The following TSPAN33 variants were observed in gnomAD, a reference collection of about 807,000 sequenced individuals.
TSPAN33 encodes tetraspanin-33.
In TSPAN33, 27 loss-of-function variants were observed where a neutral mutation model predicts 34.8. The ratio of observed to expected loss-of-function variants is 0.78; its 90% CI spans 0.57 to 1.07. TSPAN33 has a LOEUF of 1.07. Ranked by LOEUF, TSPAN33 falls within the 50% of genes least tolerant of loss-of-function variation. The probability of loss-of-function intolerance (pLI) is 0.00; values close to 1 mark genes in which losing one functional copy is unlikely to be tolerated. For synonymous variants in TSPAN33, 119 were observed against 124.2 expected, an observed-to-expected ratio of 0.96 and a Z score of 0.28; for missense variants, 272 against 324.9, an observed-to-expected ratio of 0.84 and a Z score of 1.25.
intron 1 of TSPAN33, among the ~76,000 whole-genome samples, chr7:129,154,584 A>C (rs1810642692): frequency 6.6e-6 from 1 of 152,132 alleles, no homozygotes; most frequent in South Asian, 2.1e-4. Context: ...TCTACTAAAA[A>C]TACAAAATTA....
chr7:129,163,136 G>A (rs1307422321), intron 4 of TSPAN33, among the ~76,000 whole-genome samples: 3 of 152,328 alleles, frequency 2.0e-5, no homozygotes, highest in East Asian at 1.9e-4. Flanking sequence ...TAACAGGGAA[G>A]TAAATTATAC....
Position 129,164,745 on chromosome 7 carries a change from C to T in TSPAN33, c.459+176C>T, listed in dbSNP as rs1476022413. On this transcript the variant is annotated intron_variant, in intron 5 of 7. Transcript: ENST00000486685. ...TGCTTTAAATGTACTTTTAAAGACACAGAACAGTATATATAGTAATCTACT... is the reference window on the plus strand; with the variant it reads ...TGCTTTAAATGTACTTTTAAAGACATAGAACAGTATATATAGTAATCTACT... 3 of 594,064 alleles carry T rather than the reference C, an allele frequency of 5.0e-6. No homozygotes were observed. The African/African-American group carries it at 5.6e-5, about 11-fold the overall frequency. 36.8% of individuals were successfully genotyped at this position (594,064 alleles called of 1,614,324 possible). A position where few individuals can be genotyped will look rare whatever the true frequency, so the allele number is the denominator to read the frequency against.
intron 1 of TSPAN33, among the ~76,000 whole-genome samples, chr7:129,158,539 C>G (rs911344740): frequency 3.1e-4 from 47 of 152,254 alleles, no homozygotes; most frequent in African/African-American, 1.1e-3. Flanking sequence ...CCTCTCCTTC[C>G]TCCTACCCTT....
intron 1 of TSPAN33, among the ~76,000 whole-genome samples, chr7:129,156,245 A>G (rs1293795122): frequency 6.6e-6 from 1 of 152,200 alleles, no homozygotes; most frequent in Non-Finnish European, 1.5e-5. Flanking sequence ...GTCAAGTGCC[A>G]TTTTCATCAC....
At position 129,161,755 on chromosome 7, in the gene TSPAN33, TC is replaced by T. The variant is rs763853873; in HGVS notation, c.160+22del. The T allele has an allele frequency of 1.2e-6, 2 of 1,613,994 alleles. No homozygotes were observed. The highest frequency in any genetic ancestry group is 1.7e-6 in the Non-Finnish European group (2 of 1,179,946). On this transcript the variant is annotated intron_variant, in intron 2 of 7. Transcript: ENST00000486685. ...CATGCAGGTGAGCTGTAGCTCTCCC[TC>T]CCTGCCCCCACCTTGTGCCATGCCC...
chr7:129,150,417 A>G (rs2150621166), intron 1 of TSPAN33, among the ~76,000 whole-genome samples: 1 of 152,202 alleles, frequency 6.6e-6, no homozygotes, highest in Non-Finnish European at 1.5e-5. Context: ...CTGCTCCCCC[A>G]AGGGAACCAC....
chr7:129,147,027 A>G (rs1810530868), intron 1 of TSPAN33, among the ~76,000 whole-genome samples: 1 of 150,386 alleles, frequency 6.6e-6, no homozygotes, highest in African/African-American at 2.5e-5. Flanking sequence ...CTCAGCCAGG[A>G]GAGAGTTTGG....
At chr7:129,146,336 G>A (rs901759740) in intron 1 of TSPAN33, among the ~76,000 whole-genome samples, 4 of 152,036 alleles carry the variant, frequency 2.6e-5, no homozygotes, top group African/African-American at 9.7e-5. Flanking sequence ...CTACTCCTGG[G>A]GAAAATGAAA....
intron 1 of TSPAN33, among the ~76,000 whole-genome samples, chr7:129,154,805 C>T (rs138917929): frequency 3.1e-3 from 468 of 152,190 alleles, no homozygotes; most frequent in Middle Eastern, 0.02. Context: ...GACTATTTTT[C>T]AAGAACAATT....
chr7:129,156,383 C>T (rs1810665041), intron 1 of TSPAN33, among the ~76,000 whole-genome samples: 1 of 152,198 alleles, frequency 6.6e-6, no homozygotes. Context: ...TCCCCATGTT[C>T]CACACTGTGC....
At chr7:129,166,953 C>A in intron 6 of TSPAN33, 47 bp downstream of exon 6, 1 of 1,595,600 alleles carries the variant, frequency 6.3e-7, no homozygotes, top group South Asian at 1.1e-5. Context: ...CGAGCTGAGT[C>A]ACTTTCTGAT....
chr7:129,147,569 A>C (rs529337668), intron 1 of TSPAN33, among the ~76,000 whole-genome samples: 1 of 152,256 alleles, frequency 6.6e-6, no homozygotes, highest in East Asian at 1.9e-4. Context: ...ACTGGTTCCC[A>C]TGCTTTCTTT....
rs1793181438 is a variant in TSPAN33 at position 129,168,699 on chromosome 7, G to C, written c.*825G>C. ...GCAGGGTTTTCTTTAACTTGGCAGT[G>C]TGCAGAGGAGAAGTGGTAACACCCC... On this transcript the variant is annotated 3_prime_UTR_variant, in exon 8 of 8. Coordinates refer to ENST00000486685, the MANE Select transcript of TSPAN33 (RefSeq NM_178562.5). 6.5e-6 allele frequency: 1 copy of C among 152,980 alleles called. No homozygotes were observed. The highest frequency in any genetic ancestry group is 1.5e-5 in the Non-Finnish European group (1 of 68,342). 9.5% of individuals were successfully genotyped at this position (152,980 alleles called of 1,614,324 possible).
intron 1 of TSPAN33, among the ~76,000 whole-genome samples, chr7:129,150,021 C>A (rs1014770755): frequency 6.6e-5 from 10 of 152,252 alleles, no homozygotes. Context: ...GTGGAGACCA[C>A]TGCCTTGCCC....
At chr7:129,149,245 C>T (rs1461278569) in intron 1 of TSPAN33, among the ~76,000 whole-genome samples, 3 of 152,162 alleles carry the variant, frequency 2.0e-5, no homozygotes, top group Non-Finnish European at 4.4e-5. Flanking sequence ...AAACCATAAA[C>T]GTCAAGCAGC....
intron 3 of TSPAN33, 34 bp from the exon 4 acceptor site, chr7:129,162,799 G>A (rs1463711248): frequency 6.2e-7 from 1 of 1,611,132 alleles, no homozygotes. Flanking sequence ...GCCATGAGTG[G>A]TCCTAGACGC....
intron 1 of TSPAN33, among the ~76,000 whole-genome samples, chr7:129,157,803 A>G (rs1354232967): frequency 6.6e-6 from 1 of 152,210 alleles, no homozygotes; most frequent in African/African-American, 2.4e-5. Context: ...AAGGGTCCTC[A>G]GTGTACCATC....
chr7:129,163,693 C>T (rs187592742), intron 4 of TSPAN33, among the ~76,000 whole-genome samples: 30 of 152,170 alleles, frequency 2.0e-4, no homozygotes, highest in Admixed American at 1.4e-3. Context: ...GGGCCAGGCG[C>T]GGTAGCTCAT....
At position 129,150,266 on chromosome 7, in the gene TSPAN33, C is replaced by T. The variant is rs141670673; in HGVS notation, c.102+5184C>T. Among the ~76,000 whole-genome samples, 1,028 of 152,304 alleles carry T rather than the reference C, an allele frequency of 6.7e-3. 16 individuals carry two copies. The highest frequency in any genetic ancestry group is 0.06 in the South Asian group (288 of 4,820). On this transcript the variant is annotated intron_variant, in intron 1 of 7. Transcript: ENST00000486685. ...CCTGCTGGTGGCCCCACTGTGGCAA[C>T]GCCATGCCTTCCCTTTTCAGAGTGC...
Sources: gnomAD v4.1 joint callset for allele counts (sites outside exome capture counted in the v4.1 genomes callset) on GRCh38, gnomAD v4.1.1 for gene constraint, MANE v1.5 for transcripts, NCBI Gene and HGNC (gene_info 2026-07-23, HGNC 2026-07-21) for gene names.